MIPEP: variants seen among roughly 807,000 people sequenced by gnomAD.
MIPEP encodes mitochondrial intermediate peptidase.
In MIPEP, 79 loss-of-function variants were observed where a neutral mutation model predicts 90.3. The ratio of observed to expected loss-of-function variants is 0.87; its 90% confidence interval spans 0.73 to 1.05. The LOEUF (loss-of-function observed/expected upper bound fraction) is 1.05. Ranked by LOEUF, MIPEP falls within the 50% of genes least tolerant of loss-of-function variation. MIPEP has a pLI of 0.00. For missense variants in MIPEP, 940 were observed against 905.6 expected, an observed-to-expected ratio of 1.04 and a Z score of -0.49; for synonymous variants, 334 against 315.8, an observed-to-expected ratio of 1.06 and a Z score of -0.61.
At chr13:23,737,532 C>T (rs966227624) in intron 18 of MIPEP, among the ~76,000 whole-genome samples, 9 of 152,176 alleles carry the variant, frequency 5.9e-5, no homozygotes, top group African/African-American at 2.2e-4. Flanking sequence ...AAGAAAAAAT[C>T]CTGTCAGCTC....
chr13:23,750,157 C>T (rs1593131591), intron 18 of MIPEP, among the ~76,000 whole-genome samples: 1 of 152,306 alleles, frequency 6.6e-6, no homozygotes, highest in East Asian at 1.9e-4. Context: ...AGTTCCTCCA[C>T]ACTCCACACT....
At chr13:23,848,594 G>T (rs1034574136) in intron 10 of MIPEP, among the ~76,000 whole-genome samples, 4 of 152,158 alleles carry the variant, frequency 2.6e-5, no homozygotes, top group African/African-American at 9.7e-5. Context: ...GGGAGAAGCT[G>T]GGAATGGGAG....
intron 18 of MIPEP, among the ~76,000 whole-genome samples, chr13:23,734,732 C>T (rs1315597218): frequency 2.0e-5 from 3 of 151,942 alleles, no homozygotes; most frequent in African/African-American, 7.3e-5. Flanking sequence ...CCCCATTCGA[C>T]GCCCCTTTCC....
chr13:23,770,887 G>A (rs1483959971), intron 16 of MIPEP, among the ~76,000 whole-genome samples: 3 of 152,180 alleles, frequency 2.0e-5, no homozygotes, highest in Non-Finnish European at 4.4e-5. Flanking sequence ...TGGCAGCGAG[G>A]GCCTGCCCTG....
At chr13:23,785,076 T>C (rs1952823972) in intron 16 of MIPEP, among the ~76,000 whole-genome samples, 2 of 152,188 alleles carry the variant, frequency 1.3e-5, no homozygotes, top group African/African-American at 4.8e-5. Flanking sequence ...TGGAAGACAG[T>C]ATGGCGATTC....
intron 8 of MIPEP, among the ~76,000 whole-genome samples, chr13:23,863,591 T>C (rs527888356): frequency 6.6e-6 from 1 of 152,138 alleles, no homozygotes; most frequent in Non-Finnish European, 1.5e-5. Flanking sequence ...TATGCAAATA[T>C]TCCAAATTCC....
intron 16 of MIPEP, among the ~76,000 whole-genome samples, chr13:23,776,332 A>C (rs1052059313): frequency 6.6e-6 from 1 of 152,138 alleles, no homozygotes; most frequent in African/African-American, 2.4e-5. Context: ...ACCAGGACTA[A>C]TATATTCTCT....
chr13:23,753,229 A>C (rs573519399), intron 18 of MIPEP, among the ~76,000 whole-genome samples: 2 of 147,946 alleles, frequency 1.4e-5, no homozygotes, highest in Admixed American at 1.3e-4. Flanking sequence ...ATCTCAAAAA[A>C]AAAAAAAAAA....
rs76023827 is a variant in MIPEP at position 23,762,832 on chromosome 13, C to T, written c.1849-2615G>A. The stretch of plus-strand genomic sequence containing the variant: ...ACCCCCAAACAGTACCATGAATACA[C>T]AACCAACAGCGGGGCTGAGGCTGCT... On this transcript the variant is annotated intron_variant, in intron 16 of 18. Transcript: ENST00000382172. Among the ~76,000 whole-genome samples the T allele has an allele frequency of 5.1e-3, 782 of 152,326 alleles. 3 individuals carry two copies. The highest frequency in any genetic ancestry group is 0.018 in the African/African-American group (738 of 41,580).
intron 7 of MIPEP, among the ~76,000 whole-genome samples, chr13:23,866,491 T>C (rs918055107): frequency 4.6e-5 from 7 of 152,104 alleles, no homozygotes; most frequent in African/African-American, 1.7e-4. Flanking sequence ...CTACAGCCAG[T>C]GGTCATGCCC....
At chr13:23,782,674 T>A (rs1419788263) in intron 16 of MIPEP, among the ~76,000 whole-genome samples, 1 of 152,022 alleles carries the variant, frequency 6.6e-6, no homozygotes, top group East Asian at 1.9e-4. Flanking sequence ...GGAGCTGGTT[T>A]TTTGAAAAGA....
intron 2 of MIPEP, among the ~76,000 whole-genome samples, chr13:23,884,512 C>T (rs1045832488): frequency 1.3e-5 from 2 of 152,172 alleles, no homozygotes; most frequent in African/African-American, 4.8e-5. Flanking sequence ...TCGACAGATA[C>T]CCTGCCTGGG....
intron 18 of MIPEP, among the ~76,000 whole-genome samples, chr13:23,744,019 T>G (rs1243410435): frequency 1.3e-5 from 2 of 152,238 alleles, no homozygotes; most frequent in African/African-American, 4.8e-5. Context: ...TAGAGCTAAC[T>G]AAATTGTAAC....
chr13:23,864,022 G>C (rs1870423694), intron 8 of MIPEP, 119 bp downstream of exon 8: 1 of 598,270 alleles, frequency 1.7e-6, no homozygotes, highest in East Asian at 2.9e-5. Context: ...AGACAGGTCT[G>C]GTCCAATATG....
chr13:23,844,156 C>T, intron 10 of MIPEP, among the ~76,000 whole-genome samples: 1 of 126,922 alleles, frequency 7.9e-6, no homozygotes, highest in East Asian at 2.4e-4. Context: ...GAGACAGGGC[C>T]ATTAGGGAAG....
intron 14 of MIPEP, among the ~76,000 whole-genome samples, chr13:23,827,518 T>C (rs563593660): frequency 2.6e-4 from 40 of 152,302 alleles, no homozygotes; most frequent in East Asian, 3.9e-4. Flanking sequence ...ATAACAATGT[T>C]ATAAATAAAT....
chr13:23,874,930 A>C, intron 4 of MIPEP, 21 bp from the exon 5 acceptor site: 1 of 1,558,070 alleles, frequency 6.4e-7, no homozygotes, highest in Non-Finnish European at 8.6e-7. Context: ...AATGAGCCCC[A>C]GGTTATAACA....
rs1412811275 is a variant in MIPEP at position 23,864,186 on chromosome 13, G to C, written c.947C>G (p.Thr316Ser). The change falls in exon 8 of 19, where the codon ACT (threonine) becomes AGT (serine). Residue 316 changes from threonine (T) to serine (S), a missense_variant. Physicochemically the swap from Thr to Ser is moderately conservative, Grantham distance 58 (BLOSUM62 1). Coordinates refer to ENST00000382172, the MANE Select transcript of MIPEP (RefSeq NM_005932.4). ...LQGTIAKNPE[T>S]VMQFLEKLSD... ...TAGTTTTTCAAGGAACTGCATGACA[G>C]TCTCTAAAACGAAATCCAAAAGAAA... is the stretch of plus-strand genomic sequence containing the variant. 2 of 1,558,466 alleles carry C rather than the reference G, an allele frequency of 1.3e-6. No homozygotes were observed. The highest frequency in any genetic ancestry group is 2.8e-5 in the African/African-American group (2 of 72,360).
intron 16 of MIPEP, among the ~76,000 whole-genome samples, chr13:23,805,284 G>A (rs1016412135): frequency 6.6e-6 from 1 of 152,082 alleles, no homozygotes; most frequent in African/African-American, 2.4e-5. Context: ...TTTGAGTGAT[G>A]AAAAAAGCCT....
Sources: allele counts gnomAD v4.1 joint callset (sites outside exome capture counted in the v4.1 genomes callset), GRCh38; gene constraint gnomAD v4.1.1; transcripts MANE v1.5; gene names NCBI Gene and HGNC (gene_info 2026-07-23, HGNC 2026-07-21).